FBXW7: variants seen among roughly 807,000 people sequenced by gnomAD.
FBXW7 encodes F-box/WD repeat-containing protein 7.
FBXW7 carries 11 observed loss-of-function variants against 86.3 expected under a neutral mutation model. The observed-to-expected ratio is 0.13, with a 90% CI of 0.08 to 0.21. The LOEUF is 0.21. Among genes scored for constraint, FBXW7 ranks in the 10% least tolerant of loss-of-function variants. FBXW7 has a pLI of 1.00. For missense variants in FBXW7, 488 were observed against 847.4 expected (o/e 0.58, Z 5.27); for synonymous variants, 313 against 297.9 (o/e 1.05, Z -0.52).
chr4:152,398,533 C>T (rs184127435), intron 4 of FBXW7, among the ~76,000 whole-genome samples: 1 of 151,620 alleles, frequency 6.6e-6, no homozygotes, highest in East Asian at 1.9e-4. Flanking sequence ...AATTGTAATG[C>T]TAAATGAAAA....
intron 4 of FBXW7, among the ~76,000 whole-genome samples, chr4:152,358,234 G>A (rs761671429): frequency 6.6e-6 from 1 of 152,080 alleles, no homozygotes; most frequent in African/African-American, 2.4e-5. Flanking sequence ...CCACAAATAT[G>A]ACCCAGGAAA....
At chr4:152,437,418 G>A (rs1479608032) in intron 2 of FBXW7, among the ~76,000 whole-genome samples, 5 of 151,474 alleles carry the variant, frequency 3.3e-5, no homozygotes, top group South Asian at 2.1e-4. Context: ...CACTGCAGGC[G>A]CGTAGAAATA....
intron 4 of FBXW7, among the ~76,000 whole-genome samples, chr4:152,390,078 A>C: frequency 6.6e-6 from 1 of 151,934 alleles, no homozygotes; most frequent in East Asian, 1.9e-4. Context: ...TTCTGATTCC[A>C]TATTATACTA....
chr4:152,515,753 CTTTTT>C (rs79255425), intron 2 of FBXW7, among the ~76,000 whole-genome samples: 1 of 129,708 alleles, frequency 7.7e-6, no homozygotes. Flanking sequence ...CCACAACTCT[CTTTTT>C]TTTTTTTTTT....
intron 6 of FBXW7, among the ~76,000 whole-genome samples, chr4:152,338,981 T>C (rs925693646): frequency 8.5e-5 from 13 of 152,194 alleles, no homozygotes; most frequent in Admixed American, 1.3e-4. Context: ...ACATGAAATA[T>C]ATAATAATTG....
intron 2 of FBXW7, among the ~76,000 whole-genome samples, chr4:152,505,869 T>G (rs545880314): frequency 6.6e-6 from 1 of 151,558 alleles, no homozygotes; most frequent in East Asian, 2.0e-4. Context: ...AGCCTCCAAG[T>G]AGCCAGGATT....
intron 2 of FBXW7, among the ~76,000 whole-genome samples, chr4:152,417,893 T>C (rs867496458): frequency 1.4e-4 from 21 of 151,868 alleles, no homozygotes; most frequent in Middle Eastern, 6.4e-3. Context: ...AGAATGGGGA[T>C]TGCTCCAAAG....
Position 152,348,935 on chromosome 4 carries a change from G to A in FBXW7, c.584+1107C>T, listed in dbSNP as rs572366245. ...CAGTTAACATAAGAAAAATCACACC[G>A]AAAAGCAGCTCCTGAATAAGAGATA... On this transcript the variant is annotated intron_variant, in intron 5 of 13. Coordinates refer to ENST00000281708, the MANE Select transcript of FBXW7 (RefSeq NM_001349798.2). 2.6e-4 allele frequency: 41 copies of A among 155,744 alleles called. No individual in the cohort carries two copies. In the South Asian group the frequency reaches 6.1e-3, roughly 23 times the overall value. The allele number at this position is 155,744 out of a possible 1,614,324, so 9.6% of individuals were successfully genotyped here.
At chr4:152,529,156 T>C (rs1034069426) in intron 2 of FBXW7, among the ~76,000 whole-genome samples, 5 of 152,326 alleles carry the variant, frequency 3.3e-5, no homozygotes, top group African/African-American at 1.2e-4. Context: ...TATTTGCAGA[T>C]AGAAGATGCA....
At chr4:152,453,028 C>T (rs962075635) in intron 2 of FBXW7, among the ~76,000 whole-genome samples, 1 of 151,826 alleles carries the variant, frequency 6.6e-6, no homozygotes, top group Admixed American at 6.6e-5. Context: ...ACTAAAAATA[C>T]AAAAAATTAG....
intron 4 of FBXW7, among the ~76,000 whole-genome samples, chr4:152,397,695 C>CAAAAA (rs397995836): frequency 6.6e-5 from 4 of 60,374 alleles, no homozygotes; most frequent in South Asian, 1.3e-3. Context: ...CCTAAGAAGC[C>CAAAAA]AAAAAAAAAA....
chr4:152,448,262 C>A (rs1741591813), intron 2 of FBXW7, among the ~76,000 whole-genome samples: 1 of 152,192 alleles, frequency 6.6e-6, no homozygotes, highest in Non-Finnish European at 1.5e-5. Flanking sequence ...ATTACAAAAT[C>A]AATTACTGCA....
At chr4:152,464,039 G>T (rs959149990) in intron 2 of FBXW7, among the ~76,000 whole-genome samples, 2 of 152,152 alleles carry the variant, frequency 1.3e-5, no homozygotes, top group African/African-American at 4.8e-5. Context: ...TAGCCATTTG[G>T]AACTCAGTTT....
intron 2 of FBXW7, among the ~76,000 whole-genome samples, chr4:152,483,687 G>T (rs1269499938): frequency 1.3e-5 from 2 of 151,902 alleles, no homozygotes; most frequent in Non-Finnish European, 2.9e-5. Context: ...AACAAAGTGA[G>T]ACCCTGTCTC....
At chr4:152,365,095 C>T (rs1317659327) in intron 4 of FBXW7, among the ~76,000 whole-genome samples, 1 of 152,086 alleles carries the variant, frequency 6.6e-6, no homozygotes, top group Non-Finnish European at 1.5e-5. Context: ...GTGAGGTTTC[C>T]ACCTAGTCTG....
intron 2 of FBXW7, among the ~76,000 whole-genome samples, chr4:152,424,063 G>T (rs1739169307): frequency 6.6e-6 from 1 of 151,992 alleles, no homozygotes; most frequent in African/African-American, 2.4e-5. Context: ...CAGAGATGGG[G>T]GTCCCACTAT....
At chr4:152,365,513 A>G (rs796449581) in intron 4 of FBXW7, among the ~76,000 whole-genome samples, 14 of 152,144 alleles carry the variant, frequency 9.2e-5, no homozygotes, top group African/African-American at 3.4e-4. Flanking sequence ...GTGGGCAGTT[A>G]AGAGACATTT....
chr4:152,428,603 T>C (rs370306994), intron 2 of FBXW7, among the ~76,000 whole-genome samples: 4 of 152,338 alleles, frequency 2.6e-5, no homozygotes, highest in South Asian at 2.1e-4. Context: ...ATCTGTTATA[T>C]AGCATCTATA....
chr4:152,341,794 ACTAT>A (rs1454543952), intron 6 of FBXW7, among the ~76,000 whole-genome samples: 2 of 152,190 alleles, frequency 1.3e-5, no homozygotes, highest in South Asian at 2.1e-4. Context: ...GCAGCTAATG[ACTAT>A]CTACGTGTGT....
Sources: gnomAD v4.1 joint callset for allele counts (sites outside exome capture counted in the v4.1 genomes callset) on GRCh38, gnomAD v4.1.1 for gene constraint, MANE v1.5 for transcripts, NCBI Gene and HGNC (gene_info 2026-07-23, HGNC 2026-07-21) for gene names.